The following SETD2 variants were observed in gnomAD, a reference collection of about 807,000 sequenced individuals.
SETD2 encodes histone-lysine N-methyltransferase SETD2.
SETD2 carries 31 observed loss-of-function variants against 242.1 expected under a neutral mutation model. That is an observed-to-expected ratio of 0.13 (90% confidence interval 0.10 to 0.17). The LOEUF (loss-of-function observed/expected upper bound fraction) is 0.17, where lower values mean the gene tolerates loss of function less well. Among genes scored for constraint, SETD2 ranks in the 10% least tolerant of loss-of-function variants. SETD2 has a pLI of 1.00. For missense variants in SETD2, 2,481 were observed against 3,046.3 expected (o/e 0.81, Z 4.37); for synonymous variants, 1,006 against 1,066.5 (o/e 0.94, Z 1.11).
intron 4 of SETD2, among the ~76,000 whole-genome samples, 183 bp from the exon 5 acceptor site, chr3:47,114,187 G>GT (rs2107721178): frequency 6.6e-6 from 1 of 152,266 alleles, no homozygotes; most frequent in Admixed American, 6.5e-5. Context: ...TTAGAACTGA[G>GT]TATCTACATT....
Position 47,124,297 on chromosome 3 carries a change from A to T in SETD2, c.339T>A (p.Thr113=). The change falls in exon 3 of 21, where the codon ACT becomes ACA. Residue 113 remains threonine (T), a synonymous_variant. Transcript: ENST00000409792. ...PPAVPLQVDS[T]PKMKMEIGDT... is the part of the protein sequence containing the mutation. The stretch of plus-strand genomic sequence containing the variant: ...CACCAATTTCCATTTTCATTTTAGG[A>T]GTCGAGTCTACCTGAAGAGGTACAG... 6.4e-7 allele frequency: 1 copy of T among 1,551,742 alleles called. No individual in the cohort carries two copies. The highest frequency in any genetic ancestry group is 8.7e-7 in the Non-Finnish European group (1 of 1,146,994).
intron 16 of SETD2, 108 bp downstream of exon 16, chr3:47,046,379 G>A: frequency 1.1e-6 from 1 of 883,084 alleles, no homozygotes; most frequent in Non-Finnish European, 1.6e-6. Flanking sequence ...AAGAACACGT[G>A]AAAAAAAAAC....
intron 1 of SETD2, among the ~76,000 whole-genome samples, chr3:47,151,800 C>A (rs1342717815): frequency 6.8e-6 from 1 of 148,080 alleles, no homozygotes; most frequent in East Asian, 2.0e-4. Flanking sequence ...GCACTCCAGC[C>A]TGGGAGAGAG....
chr3:47,031,114 G>A (rs553112568), intron 18 of SETD2, among the ~76,000 whole-genome samples: 56 of 152,212 alleles, frequency 3.7e-4, no homozygotes, highest in Non-Finnish European at 6.6e-4. Flanking sequence ...GGCATGATGA[G>A]TAAGCAGCAG....
At chr3:47,050,375 A>G (rs879747842) in intron 15 of SETD2, among the ~76,000 whole-genome samples, 21 of 152,158 alleles carry the variant, frequency 1.4e-4, no homozygotes, top group Non-Finnish European at 2.6e-4. Context: ...AGAATTTTTC[A>G]CCTCCATAAT....
chr3:47,128,331 T>C (rs536154178), intron 1 of SETD2, among the ~76,000 whole-genome samples: 1 of 152,168 alleles, frequency 6.6e-6, no homozygotes, highest in Non-Finnish European at 1.5e-5. Context: ...AAGTCTAGTG[T>C]ACACTAGCAC....
intron 1 of SETD2, among the ~76,000 whole-genome samples, chr3:47,162,364 T>A (rs1344136503): frequency 2.0e-5 from 3 of 152,128 alleles, no homozygotes; most frequent in African/African-American, 7.2e-5. Flanking sequence ...ATCAAAACAA[T>A]CTTACCTAAC....
intron 1 of SETD2, among the ~76,000 whole-genome samples, chr3:47,143,631 T>C (rs1234844812): frequency 6.6e-6 from 1 of 152,258 alleles, no homozygotes; most frequent in African/African-American, 2.4e-5. Flanking sequence ...ATAATAAAGC[T>C]AGTTGATCTA....
intron 9 of SETD2, among the ~76,000 whole-genome samples, chr3:47,091,684 G>A (rs903715177): frequency 7.9e-5 from 12 of 152,088 alleles, no homozygotes; most frequent in Admixed American, 7.9e-4. Flanking sequence ...AATCACTTCA[G>A]CGCGGGAGGC....
At chr3:47,058,939 T>C (rs2040205749) in intron 14 of SETD2, among the ~76,000 whole-genome samples, 1 of 150,774 alleles carries the variant, frequency 6.6e-6, no homozygotes, top group Non-Finnish European at 1.5e-5. Context: ...GGACTATAGG[T>C]GCCCGCCACC....
At chr3:47,164,246 C>T (rs528743610), upstream of SETD2, among the ~76,000 whole-genome samples, 36 of 152,326 alleles carry the variant, frequency 2.4e-4, no homozygotes, top group African/African-American at 8.7e-4. This position sits in a 1 kb window ranked among gnomAD's most constrained non-coding sequence, Gnocchi z 5.4. Flanking sequence ...GTTGGCTTGA[C>T]CCCAGGCCGG....
chr3:47,037,805 G>A (rs781658529), intron 17 of SETD2, 28 bp from the exon 18 acceptor site: 203 of 1,514,774 alleles, frequency 1.3e-4, no homozygotes, highest in Non-Finnish European at 1.8e-4. Flanking sequence ...CAGCCATGCT[G>A]TCAGGGCTAG....
intron 10 of SETD2, 85 bp from the exon 11 acceptor site, chr3:47,086,399 T>C: frequency 2.2e-6 from 3 of 1,365,082 alleles, no homozygotes; most frequent in South Asian, 2.4e-5. Flanking sequence ...AGTTCATGTA[T>C]ACGTTACACA....
Position 47,163,895 on chromosome 3 carries a change from C to T in SETD2, c.30G>A (p.Pro10=). The T allele has an allele frequency of 1.5e-6, 2 of 1,318,312 alleles. No individual in the cohort carries two copies. The highest frequency in any genetic ancestry group is 1.9e-6 in the Non-Finnish European group (2 of 1,028,244). The allele number at this position is 1,318,312 out of a possible 1,614,324, so 81.7% of individuals were successfully genotyped here. MKQLQPQPP[P]KMGDFYDPEH... ...CCGGGTCGTAGAAATCCCCCATCTTCGGAGGCGGCTGCGGCTGCAGCTGCT... is the reference window on the plus strand; with the variant it reads ...CCGGGTCGTAGAAATCCCCCATCTTTGGAGGCGGCTGCGGCTGCAGCTGCT... Residue 10 remains proline (P), a synonymous_variant, in exon 1 of 21, where the codon CCG becomes CCA. Transcript: ENST00000409792.
In SETD2 at chr3:47,056,852, G is replaced by C; in HGVS notation, c.6932C>G (p.Pro2311Arg). Reference protein sequence around the residue: ...TCPTVYGVTSPYSQTTPPIVQ... With the variant: ...TCPTVYGVTSRYSQTTPPIVQ... ...AATTGGTGGAGTTGTCTGTGAATAA[G>C]GTGATGTCACACCATAGACTGTTGG... Residue 2311 changes from proline to arginine, a missense_variant, in exon 15 of 21, where the codon CCT becomes CGT. This residue lies in a region of SETD2 where 235 missense variants were observed against 293.9 expected (regional missense o/e 0.80). Transcript: ENST00000409792. 6.2e-7 allele frequency: 1 copy of C among 1,614,108 alleles called. No individual in the cohort carries two copies. Among genetic ancestry groups the C allele is most frequent in the Non-Finnish European group, 8.5e-7 (1 of 1,179,932 alleles).
At chr3:47,028,567 C>G (rs544172214) in intron 18 of SETD2, among the ~76,000 whole-genome samples, 8 of 152,308 alleles carry the variant, frequency 5.3e-5, no homozygotes, top group Non-Finnish European at 1.2e-4. Flanking sequence ...CCACAAGTAA[C>G]TTGACTGGCT....
intron 15 of SETD2, among the ~76,000 whole-genome samples, chr3:47,048,115 C>T (rs1304972994): frequency 6.6e-6 from 1 of 152,154 alleles, no homozygotes; most frequent in Non-Finnish European, 1.5e-5. Flanking sequence ...TAGGCCGGGG[C>T]ACGGTGGCTC....
chr3:47,133,439 G>A (rs1451442939), intron 1 of SETD2, among the ~76,000 whole-genome samples: 1 of 152,088 alleles, frequency 6.6e-6, no homozygotes, highest in Admixed American at 6.6e-5. Context: ...AATTCTCACA[G>A]AATCCCCCCC....
At chr3:47,158,195 A>G (rs2106847457) in intron 1 of SETD2, among the ~76,000 whole-genome samples, 1 of 152,308 alleles carries the variant, frequency 6.6e-6, no homozygotes, top group South Asian at 2.1e-4. Flanking sequence ...GAAGACAATT[A>G]TATTGAGGGG....
Sources: allele counts gnomAD v4.1 joint callset (sites outside exome capture counted in the v4.1 genomes callset), GRCh38; gene constraint gnomAD v4.1.1; regional missense constraint gnomAD v4.1.1; non-coding constraint Gnocchi (gnomAD v3.1); transcripts MANE v1.5; gene names NCBI Gene and HGNC (gene_info 2026-07-23, HGNC 2026-07-21).